Variants in CHST9 observed in about 807,000 individuals in gnomAD.
CHST9 encodes GalNAc-4-sulfotransferase 2.
A neutral mutation model predicts 44.4 loss-of-function variants in CHST9; 41 were observed. The ratio of observed to expected loss-of-function variants is 0.92; its 90% CI spans 0.72 to 1.20. The LOEUF (loss-of-function observed/expected upper bound fraction) is 1.20. Ranked by LOEUF, CHST9 falls within the 50% of genes most tolerant of loss-of-function variation. The pLI is 0.00. For missense variants in CHST9, 504 were observed against 516.5 expected, an observed-to-expected ratio of 0.98 and a Z score of 0.23; for synonymous variants, 171 against 178.4, an observed-to-expected ratio of 0.96 and a Z score of 0.33.
Position 26,908,521 on chromosome 18 carries a change from C to A in CHST9, c.*7738G>T, listed in dbSNP as rs1472369786. On this transcript the variant is annotated 3_prime_UTR_variant, in exon 6 of 6. Transcript: ENST00000618847. ...ATTTTATGTTATGTGGATTTTGCCA[C>A]AATTGAAAATATCAAAAGAAGAAAA... The A allele has an allele frequency of 6.6e-6, 1 of 151,732 alleles. No individual in the cohort carries two copies. Among genetic ancestry groups the A allele is most frequent in the Non-Finnish European group, 1.5e-5 (1 of 67,964 alleles). The allele number at this position is 151,732 out of a possible 1,614,324, so 9.4% of individuals were successfully genotyped here. A position where few individuals can be genotyped will look rare whatever the true frequency, so the allele number is the denominator to read the frequency against.
intron 4 of CHST9, among the ~76,000 whole-genome samples, chr18:26,964,513 G>A (rs1242182802): frequency 2.0e-5 from 3 of 152,208 alleles, no homozygotes; most frequent in Non-Finnish European, 4.4e-5. Context: ...TTACAGTTAT[G>A]GAAGTTCTAG....
chr18:27,055,937 C>CGTGTGT (rs35128328), intron 2 of CHST9, among the ~76,000 whole-genome samples: 10,052 of 147,346 alleles, frequency 0.068, 369 homozygotes, highest in East Asian at 0.15. Context: ...TTCTCTCTTT[C>CGTGTGT]GTGTGTGTGT....
At position 26,916,043 on chromosome 18, in the gene CHST9, A is replaced by T. The variant is rs76121570; in HGVS notation, c.*216T>A. 10 of 420,040 alleles carry T rather than the reference A, an allele frequency of 2.4e-5. No homozygotes were observed. Among genetic ancestry groups the T allele is most frequent in the Non-Finnish European group, 3.4e-5 (8 of 232,738 alleles). 26.0% of individuals were successfully genotyped at this position (420,040 alleles called of 1,614,324 possible). ...TAATGCAAAAGCAGCTCTTTTCCAA[A>T]CATTTTAGAGCAACTCAAGTTGTTT... On this transcript the variant is annotated 3_prime_UTR_variant, in exon 6 of 6. Coordinates refer to ENST00000618847, the MANE Select transcript of CHST9 (RefSeq NM_031422.6).
At chr18:26,984,476 A>T (rs1000075412) in intron 4 of CHST9, among the ~76,000 whole-genome samples, 1 of 152,154 alleles carries the variant, frequency 6.6e-6, no homozygotes, top group African/African-American at 2.4e-5. Flanking sequence ...CTCAAACAGG[A>T]TATAAAAGAA....
intron 1 of CHST9, among the ~76,000 whole-genome samples, chr18:27,160,056 C>G (rs538294321): frequency 1.3e-5 from 2 of 152,308 alleles, no homozygotes; most frequent in East Asian, 3.9e-4. Flanking sequence ...CTTCCGCAAA[C>G]AGGGACAATT....
At chr18:27,143,013 C>T in intron 1 of CHST9, 108 bp from the exon 2 acceptor site, 2 of 406,868 alleles carry the variant, frequency 4.9e-6, no homozygotes, top group Non-Finnish European at 8.6e-6. Flanking sequence ...AATGTGCACA[C>T]TAATGCTCTG....
intron 2 of CHST9, among the ~76,000 whole-genome samples, chr18:27,135,971 G>T (rs1183018666): frequency 6.6e-6 from 1 of 152,112 alleles, no homozygotes; most frequent in Admixed American, 6.6e-5. Flanking sequence ...TGGATCAGGG[G>T]TTCTCAAAAT....
chr18:27,048,641 G>A, intron 2 of CHST9, 138 bp from the exon 3 acceptor site: 1 of 586,696 alleles, frequency 1.7e-6, no homozygotes, highest in Non-Finnish European at 3.0e-6. Flanking sequence ...AGAGATGACT[G>A]GGCTCAGCTG....
chr18:27,150,967 C>G (rs1036307585), intron 1 of CHST9, among the ~76,000 whole-genome samples: 1 of 152,026 alleles, frequency 6.6e-6, no homozygotes, highest in African/African-American at 2.4e-5. Context: ...TTCTATCAAC[C>G]ATAGTGAAAT....
At chr18:26,992,426 C>T (rs1338904936) in intron 4 of CHST9, among the ~76,000 whole-genome samples, 3 of 151,940 alleles carry the variant, frequency 2.0e-5, no homozygotes, top group Admixed American at 2.0e-4. Context: ...TTCCTGATAC[C>T]AAGCAGAAGT....
chr18:27,160,337 C>T (rs2058735572), intron 1 of CHST9, among the ~76,000 whole-genome samples: 1 of 152,216 alleles, frequency 6.6e-6, no homozygotes, highest in African/African-American at 2.4e-5. Flanking sequence ...TGAATTTTGT[C>T]GAAGGCCTTT....
Position 27,037,039 on chromosome 18 carries a change from T to A in CHST9, c.160+11426A>T, listed in dbSNP as rs77212636. Among the ~76,000 whole-genome samples, 892 of 152,338 alleles carry A rather than the reference T, an allele frequency of 5.9e-3. 6 individuals are homozygous for A. The highest frequency in any genetic ancestry group is 0.02 in the African/African-American group (845 of 41,576). ...ACATCTACATGCTTATTGGGCACAT[T>A]TGTTTTCTGTCGTTTAGAGAGGTCC... On this transcript the variant is annotated intron_variant, in intron 3 of 5. Coordinates refer to ENST00000618847, the MANE Select transcript of CHST9 (RefSeq NM_031422.6).
intron 4 of CHST9, among the ~76,000 whole-genome samples, chr18:26,949,632 C>T (rs1331598573): frequency 6.6e-6 from 1 of 152,152 alleles, no homozygotes; most frequent in African/African-American, 2.4e-5. Context: ...GTTACAGAAG[C>T]TGACATGACA....
chr18:27,067,537 G>A (rs747215290), intron 2 of CHST9, among the ~76,000 whole-genome samples: 14 of 152,128 alleles, frequency 9.2e-5, no homozygotes, highest in Admixed American at 2.0e-4. Flanking sequence ...CAATTTTAAT[G>A]GTGGGATAGT....
At chr18:27,004,055 T>C (rs1216755792) in intron 4 of CHST9, among the ~76,000 whole-genome samples, 1 of 148,208 alleles carries the variant, frequency 6.7e-6, no homozygotes, top group Non-Finnish European at 1.5e-5. Context: ...AAAAAAAAAG[T>C]ACTCACAAAA....
intron 2 of CHST9, among the ~76,000 whole-genome samples, chr18:27,094,665 T>A (rs1446888432): frequency 6.6e-6 from 1 of 152,214 alleles, no homozygotes; most frequent in Non-Finnish European, 1.5e-5. Flanking sequence ...AAGGAATTTA[T>A]AAAGTGTTAT....
chr18:27,073,010 GC>G (rs1416364620), intron 2 of CHST9, among the ~76,000 whole-genome samples: 3 of 152,122 alleles, frequency 2.0e-5, no homozygotes, highest in African/African-American at 7.2e-5. Flanking sequence ...TAGTTTGTTT[GC>G]CCGCTGAAAT....
intron 1 of CHST9, among the ~76,000 whole-genome samples, chr18:27,165,065 T>C (rs1205214863): frequency 6.6e-6 from 1 of 152,136 alleles, no homozygotes; most frequent in Non-Finnish European, 1.5e-5. Flanking sequence ...TTTCGATTGG[T>C]TGGCAGGATA....
chr18:26,920,594 C>T (rs2055631622), intron 5 of CHST9, among the ~76,000 whole-genome samples: 1 of 152,104 alleles, frequency 6.6e-6, no homozygotes, highest in Non-Finnish European at 1.5e-5. Context: ...CTGCCTGGCG[C>T]ATAGAAGATG....
Sources: allele counts gnomAD v4.1 joint callset (sites outside exome capture counted in the v4.1 genomes callset), GRCh38; gene constraint gnomAD v4.1.1; transcripts MANE v1.5; gene names NCBI Gene and HGNC (gene_info 2026-07-23, HGNC 2026-07-21).